PREX2: variants seen among roughly 807,000 people sequenced by gnomAD.
The protein encoded by PREX2 is phosphatidylinositol 3,4,5-trisphosphate-dependent Rac exchanger 2 protein.
In PREX2, 107 loss-of-function variants were observed where a neutral mutation model predicts 203.2. The observed-to-expected ratio is 0.53, with a 90% CI of 0.45 to 0.62. The LOEUF (loss-of-function observed/expected upper bound fraction) is 0.62. PREX2 is among the 20% of genes least tolerant of loss of function. The probability of loss-of-function intolerance (pLI) is 0.00; values close to 1 mark genes in which losing one functional copy is unlikely to be tolerated. For synonymous variants in PREX2, 672 were observed against 663.6 expected, an observed-to-expected ratio of 1.01 and a Z score of -0.19; for missense variants, 1,777 against 1,955.9, an observed-to-expected ratio of 0.91 and a Z score of 1.72.
chr8:68,187,835 G>A (rs1155491), intron 35 of PREX2, among the ~76,000 whole-genome samples: 132,780 of 152,202 alleles, frequency 0.87, 57,966 homozygotes, highest in East Asian at 1. Context: ...CAAGAATGGA[G>A]ATGAAATGCA....
At chr8:67,963,470 T>A (rs1353261495) in intron 1 of PREX2, among the ~76,000 whole-genome samples, 1 of 152,234 alleles carries the variant, frequency 6.6e-6, no homozygotes, top group African/African-American at 2.4e-5. Context: ...TACCAAGGCC[T>A]CATTGACTTA....
Position 68,099,826 on chromosome 8 carries a change from A to G in PREX2, c.2698A>G (p.Ile900Val), listed in dbSNP as rs749929169. The change falls in exon 23 of 40, where the codon ATA (isoleucine) becomes GTA (valine). Residue 900 changes from isoleucine (I) to valine (V), a missense_variant. Coordinates refer to ENST00000288368, the MANE Select transcript of PREX2 (RefSeq NM_024870.4). ...AAGAATTGAACACCTATGTCAGAGA[A>G]TATCCAGTTATAAAAAGGTAAGTGT... ...SERIEHLCQR[I>V]SSYKKFSRVL... is the part of the protein sequence containing the mutation. 1.9e-6 allele frequency: 3 copies of G among 1,611,078 alleles called. No homozygotes were observed. The highest frequency in any genetic ancestry group is 2.5e-6 in the Non-Finnish European group (3 of 1,177,334).
At chr8:68,210,668 C>T (rs1319204012) in intron 37 of PREX2, among the ~76,000 whole-genome samples, 1 of 152,176 alleles carries the variant, frequency 6.6e-6, no homozygotes, top group East Asian at 1.9e-4. Context: ...CTTCCTTGCT[C>T]AGTACAGTTT....
At chr8:67,967,478 G>A (rs1188345090) in intron 1 of PREX2, among the ~76,000 whole-genome samples, 1 of 152,206 alleles carries the variant, frequency 6.6e-6, no homozygotes, top group African/African-American at 2.4e-5. Flanking sequence ...ATGCCCAGCA[G>A]CTCCATGTCT....
Position 68,027,289 on chromosome 8 carries a change from T to C in PREX2, c.509T>C (p.Ile170Thr), listed in dbSNP as rs1807752891. The change falls in exon 5 of 40, where the codon ATA (isoleucine) becomes ACA (threonine). Residue 170 changes from isoleucine to threonine, a missense_variant. Ile to Thr is a moderately conservative substitution (Grantham distance 89). Coordinates refer to ENST00000288368, the MANE Select transcript of PREX2 (RefSeq NM_024870.4). ...TTGGAAGGATATTTAGTAACACCAA[T>C]ACAAAGAATATGCAAGTACCCTCTT... ...VPLEGYLVTP[I>T]QRICKYPLIL... is the part of the protein sequence containing the mutation. The C allele has an allele frequency of 1.2e-6, 2 of 1,610,450 alleles. No individual in the cohort carries two copies. The highest frequency in any genetic ancestry group is 3.3e-5 in the Admixed American group (2 of 59,908).
intron 1 of PREX2, among the ~76,000 whole-genome samples, chr8:67,960,567 T>A (rs1805607276): frequency 6.6e-6 from 1 of 152,066 alleles, no homozygotes; most frequent in Non-Finnish European, 1.5e-5. Context: ...AGAGGGAGTG[T>A]TCCGGGAGCC....
intron 1 of PREX2, among the ~76,000 whole-genome samples, chr8:68,005,252 C>T (rs74946974): frequency 0.052 from 7,877 of 152,250 alleles, 265 homozygotes; most frequent in East Asian, 0.085. Context: ...TGAACAAACC[C>T]TGCCAGCAAT....
intron 7 of PREX2, among the ~76,000 whole-genome samples, chr8:68,043,686 T>A (rs1808262499): frequency 6.6e-6 from 1 of 152,094 alleles, no homozygotes; most frequent in Non-Finnish European, 1.5e-5. Context: ...CCTTGAATCA[T>A]TTCTTAGAAT....
At chr8:68,025,116 C>A (rs1273338426) in intron 4 of PREX2, among the ~76,000 whole-genome samples, 1 of 151,954 alleles carries the variant, frequency 6.6e-6, no homozygotes, top group Non-Finnish European at 1.5e-5. Flanking sequence ...GTGTATTTGA[C>A]TCTGATATTA....
At chr8:68,052,073 T>C (rs1808540675) in intron 8 of PREX2, among the ~76,000 whole-genome samples, 2 of 152,122 alleles carry the variant, frequency 1.3e-5, no homozygotes, top group Admixed American at 1.3e-4. Context: ...AAAAACTTAA[T>C]AAAATAGATC....
At chr8:68,144,622 T>C (rs2129613628) in intron 33 of PREX2, among the ~76,000 whole-genome samples, 1 of 152,230 alleles carries the variant, frequency 6.6e-6, no homozygotes, top group East Asian at 1.9e-4. Context: ...TTATAGTTTC[T>C]TTTCTCTTGT....
chr8:68,039,217 A>G (rs1585728385), intron 7 of PREX2, among the ~76,000 whole-genome samples: 1 of 152,074 alleles, frequency 6.6e-6, no homozygotes, highest in East Asian at 1.9e-4. Flanking sequence ...GCAGCATTCA[A>G]CAAGATCTTT....
intron 30 of PREX2, among the ~76,000 whole-genome samples, chr8:68,124,277 G>A (rs1424135227): frequency 6.6e-6 from 1 of 152,076 alleles, no homozygotes; most frequent in African/African-American, 2.4e-5. Flanking sequence ...AGAAAATGTG[G>A]TACCTGTATT....
chr8:68,108,540 T>G (rs1319668502), intron 24 of PREX2, among the ~76,000 whole-genome samples: 3 of 152,204 alleles, frequency 2.0e-5, no homozygotes. Flanking sequence ...TTATTTTTCT[T>G]CTAAGAAGGA....
intron 23 of PREX2, chr8:68,100,089 A>G (rs751953222): frequency 4.9e-6 from 3 of 613,684 alleles, no homozygotes; most frequent in Non-Finnish European, 3.1e-6. Flanking sequence ...GGCCTAAAGA[A>G]TTAAATTATT....
chr8:68,133,445 A>G (rs111632922), intron 31 of PREX2, among the ~76,000 whole-genome samples: 19 of 152,296 alleles, frequency 1.2e-4, no homozygotes, highest in African/African-American at 4.3e-4. Context: ...TATATTACTT[A>G]TTTGAAAGAA....
At chr8:68,107,975 T>A in intron 23 of PREX2, 134 bp from the exon 24 acceptor site, 1 of 615,796 alleles carries the variant, frequency 1.6e-6, no homozygotes, top group Non-Finnish European at 2.8e-6. Flanking sequence ...TAACAACATA[T>A]AATTTATTTC....
chr8:68,058,479 G>A (rs2129611275), intron 10 of PREX2, among the ~76,000 whole-genome samples: 1 of 151,998 alleles, frequency 6.6e-6, no homozygotes, highest in East Asian at 1.9e-4. Flanking sequence ...TGTCGCCCAG[G>A]CTGGAGTGCA....
chr8:68,231,228 C>A, intron 39 of PREX2, 105 bp from the exon 40 acceptor site: 1 of 781,390 alleles, frequency 1.3e-6, no homozygotes, highest in Non-Finnish European at 1.9e-6. Context: ...GATCATGACT[C>A]ACGAAACAAG....
Sources: gnomAD v4.1 joint callset for allele counts (sites outside exome capture counted in the v4.1 genomes callset) on GRCh38, gnomAD v4.1.1 for gene constraint, MANE v1.5 for transcripts, NCBI Gene and HGNC (gene_info 2026-07-23, HGNC 2026-07-21) for gene names.